Variants in AUTS2 observed in about 807,000 individuals in gnomAD.
AUTS2 encodes the protein autism susceptibility gene 2 protein.
A neutral mutation model predicts 112.4 loss-of-function variants in AUTS2; 17 were observed. The observed-to-expected ratio is 0.15, with a 90% CI of 0.10 to 0.23. The LOEUF is 0.23. Ranked by LOEUF, AUTS2 falls within the 10% of genes least tolerant of loss-of-function variation. The pLI is 1.00. For missense variants in AUTS2, 1,510 were observed against 1,701.6 expected (o/e 0.89, Z 1.98); for synonymous variants, 751 against 702.7 (o/e 1.07, Z -1.09).
At chr7:70,590,926 T>C (rs892197109) in intron 5 of AUTS2, among the ~76,000 whole-genome samples, 1 of 152,252 alleles carries the variant, frequency 6.6e-6, no homozygotes, top group East Asian at 1.9e-4. Context: ...ATAACACTTC[T>C]AGTAAGCAGA....
chr7:70,230,414 C>T (rs1252549215), intron 4 of AUTS2, among the ~76,000 whole-genome samples: 1 of 152,170 alleles, frequency 6.6e-6, no homozygotes, highest in Non-Finnish European at 1.5e-5. Context: ...GGGACCACCC[C>T]TGAAATCAAA....
At chr7:70,041,386 T>C (rs1003942653) in intron 2 of AUTS2, among the ~76,000 whole-genome samples, 2 of 152,254 alleles carry the variant, frequency 1.3e-5, no homozygotes, top group Non-Finnish European at 2.9e-5. Context: ...TTATGTGTTT[T>C]CATTAGGATC....
At chr7:70,138,322 G>C (rs1330513181) in intron 4 of AUTS2, among the ~76,000 whole-genome samples, 2 of 152,238 alleles carry the variant, frequency 1.3e-5, no homozygotes, top group East Asian at 1.9e-4. Flanking sequence ...GTGTTGGCCA[G>C]TGGTCTGGTA....
At chr7:70,422,897 C>T (rs758250517) in intron 4 of AUTS2, among the ~76,000 whole-genome samples, 2 of 152,180 alleles carry the variant, frequency 1.3e-5, no homozygotes, top group African/African-American at 2.4e-5. Context: ...CACTCAGACA[C>T]TCTCCATGCT....
Position 70,236,744 on chromosome 7 carries a change from T to C in AUTS2, c.660+102173T>C, listed in dbSNP as rs189992110. ...GGGGCTCACCTGATGCACTTTTTAA[T>C]GCATTCCACTCCTCGTTGTTATTTT... On this transcript the variant is annotated intron_variant, in intron 4 of 18. Coordinates refer to ENST00000342771, the MANE Select transcript of AUTS2 (RefSeq NM_015570.4). Among the ~76,000 whole-genome samples the C allele has an allele frequency of 9.2e-5, 14 of 152,328 alleles. No homozygotes were observed. The East Asian group carries it at 2.5e-3, about 27-fold the overall frequency.
chr7:70,077,388 A>C (rs914391048), intron 2 of AUTS2, among the ~76,000 whole-genome samples: 1 of 152,156 alleles, frequency 6.6e-6, no homozygotes, highest in African/African-American at 2.4e-5. Flanking sequence ...TGCCTTGTTT[A>C]TATGGTTGAA....
chr7:69,993,349 T>C (rs1474093271), intron 2 of AUTS2, among the ~76,000 whole-genome samples: 1 of 152,182 alleles, frequency 6.6e-6, no homozygotes, highest in African/African-American at 2.4e-5. Flanking sequence ...CCGAAACTGC[T>C]GGGACCCTGA....
intron 3 of AUTS2, among the ~76,000 whole-genome samples, chr7:70,122,477 T>G (rs117546820): frequency 0.011 from 1,629 of 152,320 alleles, 12 homozygotes; most frequent in Admixed American, 0.017. Flanking sequence ...CCTGTTTCTA[T>G]TGGTTGTTTT....
chr7:70,354,748 T>C (rs1791916023), intron 4 of AUTS2, among the ~76,000 whole-genome samples: 1 of 152,204 alleles, frequency 6.6e-6, no homozygotes, highest in Admixed American at 6.5e-5. Context: ...GTTCCTAAGC[T>C]TTAGTCAATA....
intron 5 of AUTS2, among the ~76,000 whole-genome samples, chr7:70,522,308 A>G (rs528405469): frequency 1.3e-5 from 2 of 152,340 alleles, no homozygotes; most frequent in East Asian, 3.9e-4. Flanking sequence ...TTATAATTTC[A>G]GCTTTCATTT....
intron 6 of AUTS2, among the ~76,000 whole-genome samples, chr7:70,708,225 G>C (rs1809844078): frequency 6.6e-6 from 1 of 152,168 alleles, no homozygotes; most frequent in Non-Finnish European, 1.5e-5. Flanking sequence ...GCTGGGAAAG[G>C]TTTTTCCATA....
chr7:70,427,315 T>C (rs190004358), intron 4 of AUTS2, among the ~76,000 whole-genome samples: 30 of 152,322 alleles, frequency 2.0e-4, no homozygotes, highest in Non-Finnish European at 3.2e-4. Flanking sequence ...GTTTTACCTT[T>C]GGACAAGATA....
intron 6 of AUTS2, among the ~76,000 whole-genome samples, chr7:70,706,706 AT>A (rs145646052): frequency 0.026 from 3,978 of 152,222 alleles, 203 homozygotes; most frequent in African/African-American, 0.089. Flanking sequence ...ATGCTTTTTT[AT>A]TGTTTATCTG....
At chr7:70,623,133 T>C (rs549858434) in intron 5 of AUTS2, among the ~76,000 whole-genome samples, 24 of 152,308 alleles carry the variant, frequency 1.6e-4, no homozygotes, top group Non-Finnish European at 8.8e-5. Flanking sequence ...CTCACAGTTA[T>C]CCAATACCAG....
At chr7:70,156,124 C>G (rs1331019049) in intron 4 of AUTS2, among the ~76,000 whole-genome samples, 2 of 152,160 alleles carry the variant, frequency 1.3e-5, no homozygotes, top group African/African-American at 4.8e-5. Context: ...CCTCAGTGAA[C>G]CTGCACCATG....
At chr7:69,951,776 G>C (rs1391036010) in intron 2 of AUTS2, among the ~76,000 whole-genome samples, 1 of 152,106 alleles carries the variant, frequency 6.6e-6, no homozygotes, top group Non-Finnish European at 1.5e-5. Flanking sequence ...GAATTCATTA[G>C]GGGTATCCAT....
At position 70,789,688 on chromosome 7, in the gene AUTS2, G is replaced by T. The variant is rs941346; in HGVS notation, c.2532-60G>T. ...ACCACCATTTCACCCGCAGCCCCTG[G>T]CCCGGCCGACTCGCCCCTTTCATTT... On this transcript the variant is annotated intron_variant, in intron 18 of 18. Coordinates refer to ENST00000342771, the MANE Select transcript of AUTS2 (RefSeq NM_015570.4). The T allele has an allele frequency of 0.62, 955,799 of 1,552,950 alleles. 295,494 individuals are homozygous for T. The highest frequency in any genetic ancestry group is 0.64 in the Middle Eastern group (3,695 of 5,786).
intron 6 of AUTS2, among the ~76,000 whole-genome samples, chr7:70,720,001 C>T (rs1585567148): frequency 6.6e-6 from 1 of 152,200 alleles, no homozygotes; most frequent in East Asian, 1.9e-4. Flanking sequence ...GTACAAGCAT[C>T]TCTTTTGAGA....
At chr7:70,352,329 T>G (rs138589061) in intron 4 of AUTS2, among the ~76,000 whole-genome samples, 2 of 152,364 alleles carry the variant, frequency 1.3e-5, no homozygotes, top group African/African-American at 4.8e-5. Context: ...GAGTCCTGCA[T>G]TGATCACATG....
Sources: gnomAD v4.1 joint callset for allele counts (sites outside exome capture counted in the v4.1 genomes callset) on GRCh38, gnomAD v4.1.1 for gene constraint, MANE v1.5 for transcripts, NCBI Gene and HGNC (gene_info 2026-07-23, HGNC 2026-07-21) for gene names.